The following SOX6 variants were observed in gnomAD, a reference collection of about 807,000 sequenced individuals.
The protein encoded by SOX6 is SRY-box transcription factor 6.
A neutral mutation model predicts 97.8 loss-of-function variants in SOX6; 11 were observed. The ratio of observed to expected loss-of-function variants is 0.11; its 90% confidence interval spans 0.07 to 0.19. SOX6 has a LOEUF of 0.19. SOX6 is among the 10% of genes least tolerant of loss of function. The probability of loss-of-function intolerance (pLI) is 1.00; values close to 1 mark genes in which losing one functional copy is unlikely to be tolerated. For missense variants in SOX6, 810 were observed against 1,039.5 expected, an observed-to-expected ratio of 0.78 and a Z score of 3.04; for synonymous variants, 360 against 371.4, an observed-to-expected ratio of 0.97 and a Z score of 0.35.
chr11:16,242,004 C>T (rs1792267039), intron 3 of SOX6, among the ~76,000 whole-genome samples: 1 of 151,884 alleles, frequency 6.6e-6, no homozygotes, highest in African/African-American at 2.4e-5. Flanking sequence ...CAAGTTGCAA[C>T]TTAAAAAAAT....
chr11:16,534,213 C>T (rs960407673), intron 4 of SOX6, among the ~76,000 whole-genome samples: 1 of 152,020 alleles, frequency 6.6e-6, no homozygotes, highest in African/African-American at 2.4e-5. Flanking sequence ...ATGCAAAAGT[C>T]TTCATATAGA....
chr11:16,454,959 G>A lies in SOX6; in HGVS notation c.-5+21356C>T, dbSNP rs574715810. Among the ~76,000 whole-genome samples, 8 of 151,922 alleles carry A rather than the reference G, an allele frequency of 5.3e-5. No individual in the cohort carries two copies. In the South Asian group the frequency reaches 1.7e-3, roughly 32 times the overall value. On this transcript the variant is annotated intron_variant, in intron 1 of 15. Coordinates refer to the SOX6 transcript ENST00000396356. ...TTTTCCCTTTAATTCTGATCTCTTA[G>A]ACTCTAAAGACTTAGCAAGAAAACT...
chr11:16,241,497 A>C (rs1012483773), intron 3 of SOX6, among the ~76,000 whole-genome samples: 6 of 152,068 alleles, frequency 3.9e-5, no homozygotes, highest in Non-Finnish European at 8.8e-5. Flanking sequence ...TAAAATACAT[A>C]CTTCACTTTT....
At chr11:16,398,892 A>AT (rs147649946) in intron 1 of SOX6, among the ~76,000 whole-genome samples, 1 of 150,922 alleles carries the variant, frequency 6.6e-6, no homozygotes, top group Admixed American at 6.6e-5. Flanking sequence ...GTAAAATAAT[A>AT]TTTTTTTTAA....
intron 6 of SOX6, among the ~76,000 whole-genome samples, chr11:16,146,208 A>G (rs1433368997): frequency 1.3e-5 from 2 of 152,162 alleles, no homozygotes; most frequent in African/African-American, 4.8e-5. Context: ...CACATCTACA[A>G]CTATCTGATC....
At chr11:16,433,108 AC>A (rs1475709001) in intron 1 of SOX6, among the ~76,000 whole-genome samples, 2 of 152,056 alleles carry the variant, frequency 1.3e-5, no homozygotes, top group African/African-American at 4.8e-5. Flanking sequence ...CCAAAGATAG[AC>A]TAACCAAAAA....
intron 4 of SOX6, among the ~76,000 whole-genome samples, chr11:16,524,550 C>T (rs1468746265): frequency 6.6e-6 from 1 of 150,580 alleles, no homozygotes; most frequent in Non-Finnish European, 1.5e-5. Context: ...AAACTGGAAG[C>T]ATTCCCTTTG....
At chr11:16,721,663 G>A (rs1272065760) in intron 2 of SOX6, among the ~76,000 whole-genome samples, 16 of 142,598 alleles carry the variant, frequency 1.1e-4, no homozygotes, top group Non-Finnish European at 6.1e-5. Context: ...CCAGCCGTGT[G>A]AAGACTTGAC....
intron 15 of SOX6, 147 bp from the exon 16 acceptor site, chr11:15,973,259 G>C: frequency 1.2e-6 from 1 of 808,068 alleles, no homozygotes; most frequent in Non-Finnish European, 2.0e-6. Flanking sequence ...ATGTGACAAA[G>C]GTGTTCCCTG....
At chr11:16,199,206 T>C (rs1426442455) in intron 4 of SOX6, among the ~76,000 whole-genome samples, 2 of 152,186 alleles carry the variant, frequency 1.3e-5, no homozygotes, top group African/African-American at 2.4e-5. Flanking sequence ...TGTAACTAAC[T>C]GAACTCACCA....
At chr11:16,418,650 T>TG (rs1399966430) in intron 1 of SOX6, among the ~76,000 whole-genome samples, 4 of 146,016 alleles carry the variant, frequency 2.7e-5, no homozygotes, top group Non-Finnish European at 4.5e-5. Context: ...TCTATTACTG[T>TG]GGGAAAAAAC....
chr11:16,650,992 A>T (rs1847641621), intron 3 of SOX6, among the ~76,000 whole-genome samples: 1 of 152,164 alleles, frequency 6.6e-6, no homozygotes, highest in South Asian at 2.1e-4. Context: ...GGCTACTATG[A>T]ACACCTTATG....
Position 16,434,943 on chromosome 11 carries a change from C to T in SOX6, c.-5+41372G>A, listed in dbSNP as rs183790930. 2.6e-3 allele frequency among the ~76,000 whole-genome samples: 395 copies of T among 152,194 alleles called. 3 individuals are homozygous for T. The highest frequency in any genetic ancestry group is 9.0e-3 in the African/African-American group (373 of 41,534). The stretch of plus-strand genomic sequence containing the variant: ...ATATAAAATATTCAATAATAACAGT[C>T]TAACTTAAATATTTAACCAGCTGAC... On this transcript the variant is annotated intron_variant, in intron 1 of 15. Transcript: ENST00000396356.
At position 16,462,347 on chromosome 11, in the gene SOX6, C is replaced by A. The variant is rs115882145; in HGVS notation, c.-5+13968G>T. On this transcript the variant is annotated intron_variant, in intron 1 of 15. Coordinates refer to the SOX6 transcript ENST00000396356. Reference sequence around the variant, plus strand: ...GATAGTTATTGCTTCACATCTGTTTCTGGTACTGTCTTGGGAGTTTATATA... The same window carrying A: ...GATAGTTATTGCTTCACATCTGTTTATGGTACTGTCTTGGGAGTTTATATA... 8.5e-3 allele frequency among the ~76,000 whole-genome samples: 1,295 copies of A among 152,306 alleles called. 21 individuals are homozygous for A. Among genetic ancestry groups the A allele is most frequent in the African/African-American group, 0.028 (1,181 of 41,562 alleles).
intron 1 of SOX6, among the ~76,000 whole-genome samples, chr11:16,386,358 G>A (rs755194533): frequency 6.6e-6 from 1 of 151,734 alleles, no homozygotes; most frequent in Non-Finnish European, 1.5e-5. Context: ...GGGGGGTGAA[G>A]TAACTGAGTC....
At chr11:16,358,131 T>A (rs1408335970), upstream of SOX6, among the ~76,000 whole-genome samples, 1 of 152,170 alleles carries the variant, frequency 6.6e-6, no homozygotes, top group Non-Finnish European at 1.5e-5. Context: ...AAAGCTGATT[T>A]ACTCCCCAAA....
At chr11:16,554,735 A>G (rs2133187517) in intron 4 of SOX6, among the ~76,000 whole-genome samples, 1 of 152,220 alleles carries the variant, frequency 6.6e-6, no homozygotes, top group East Asian at 1.9e-4. Flanking sequence ...AACTATTAGA[A>G]TTAAAATTAA....
intron 2 of SOX6, among the ~76,000 whole-genome samples, chr11:16,331,371 C>A (rs575190030): frequency 6.6e-6 from 1 of 152,228 alleles, no homozygotes; most frequent in Admixed American, 6.5e-5. Flanking sequence ...CCTTTCAAGG[C>A]CCAGTTTGCC....
intron 4 of SOX6, among the ~76,000 whole-genome samples, chr11:16,532,440 G>A (rs1051481788): frequency 6.6e-6 from 1 of 151,798 alleles, no homozygotes; most frequent in Non-Finnish European, 1.5e-5. Flanking sequence ...ATTCAATTCT[G>A]TAACAAATGT....
Sources: allele counts gnomAD v4.1 joint callset (sites outside exome capture counted in the v4.1 genomes callset), GRCh38; gene constraint gnomAD v4.1.1; transcripts MANE v1.5; gene names NCBI Gene and HGNC (gene_info 2026-07-23, HGNC 2026-07-21).